The following ATP6V1H variants were observed in gnomAD, a reference collection of about 807,000 sequenced individuals.
ATP6V1H encodes the protein V-type proton ATPase subunit H.
Under a neutral mutation model 71.7 loss-of-function variants are expected in ATP6V1H, and 39 were observed. The ratio of observed to expected loss-of-function variants is 0.54; its 90% CI spans 0.42 to 0.71. The LOEUF (loss-of-function observed/expected upper bound fraction) is 0.71. Ranked by LOEUF, ATP6V1H falls within the 30% of genes least tolerant of loss-of-function variation. The pLI, the probability that ATP6V1H is intolerant of heterozygous loss-of-function variation, is 0.00. For missense variants in ATP6V1H, 509 were observed against 594.9 expected, an observed-to-expected ratio of 0.86 and a Z score of 1.50; for synonymous variants, 192 against 199.3, an observed-to-expected ratio of 0.96 and a Z score of 0.31.
chr8:53,723,612 C>T (rs1250323097), intron 13 of ATP6V1H, among the ~76,000 whole-genome samples: 2 of 152,186 alleles, frequency 1.3e-5, no homozygotes, highest in African/African-American at 2.4e-5. Flanking sequence ...TAACAGACTC[C>T]AGCTGTCTGG....
chr8:53,720,166 C>A (rs1585713536), intron 13 of ATP6V1H, among the ~76,000 whole-genome samples: 1 of 152,266 alleles, frequency 6.6e-6, no homozygotes, highest in Admixed American at 6.5e-5. Context: ...GACATTAAAT[C>A]TTTGCTTCTG....
intron 12 of ATP6V1H, among the ~76,000 whole-genome samples, chr8:53,746,242 A>G (rs1251886740): frequency 5.3e-5 from 8 of 151,916 alleles, no homozygotes; most frequent in Non-Finnish European, 1.0e-4. Context: ...AAAGCTTTTA[A>G]TGATTGATAT....
chr8:53,821,543 C>T lies in ATP6V1H; in HGVS notation c.307-4013G>A, dbSNP rs1185721723. 6.6e-5 allele frequency among the ~76,000 whole-genome samples: 10 copies of T among 151,476 alleles called. No individual in the cohort carries two copies. The East Asian group carries it at 9.8e-4, about 15-fold the overall frequency. On this transcript the variant is annotated intron_variant, in intron 4 of 13. Transcript: ENST00000359530. ...TAAAAATACGAAAATTAGCTGGGCA[C>T]GGCGGCACACGCCTGTAATACCAGC...
At chr8:53,792,780 G>A (rs1809608575) in intron 9 of ATP6V1H, among the ~76,000 whole-genome samples, 1 of 152,134 alleles carries the variant, frequency 6.6e-6, no homozygotes, top group South Asian at 2.1e-4. Flanking sequence ...ATAAGGCAAT[G>A]CATAAAAATT....
chr8:53,808,814 AC>A (rs143913066), intron 7 of ATP6V1H, among the ~76,000 whole-genome samples: 4 of 151,992 alleles, frequency 2.6e-5, no homozygotes, highest in African/African-American at 7.3e-5. Flanking sequence ...AAAAAAAAAA[AC>A]AAAATGTTTG....
chr8:53,818,120 TA>T (rs1810512662), intron 4 of ATP6V1H, among the ~76,000 whole-genome samples: 1 of 152,236 alleles, frequency 6.6e-6, no homozygotes, highest in Non-Finnish European at 1.5e-5. Context: ...ACCTCTCATC[TA>T]AATTTTCTCT....
chr8:53,731,839 G>C (rs980332416), intron 13 of ATP6V1H, among the ~76,000 whole-genome samples: 1 of 152,268 alleles, frequency 6.6e-6, no homozygotes, highest in Non-Finnish European at 1.5e-5. Flanking sequence ...CCCTGGGGGG[G>C]ACTCCAGCCA....
intron 8 of ATP6V1H, 70 bp from the exon 9 acceptor site, chr8:53,795,909 C>A: frequency 7.4e-7 from 1 of 1,359,356 alleles, no homozygotes; most frequent in South Asian, 1.4e-5. Context: ...CAATTATTCT[C>A]TTTTTGCACT....
chr8:53,818,066 G>C (rs1453924128), intron 4 of ATP6V1H, among the ~76,000 whole-genome samples: 1 of 152,134 alleles, frequency 6.6e-6, no homozygotes, highest in Admixed American at 6.5e-5. Flanking sequence ...GTGGACATAG[G>C]ATCTGAGTAA....
chr8:53,814,236 G>A (rs1262549682), intron 6 of ATP6V1H, among the ~76,000 whole-genome samples: 1 of 152,090 alleles, frequency 6.6e-6, no homozygotes, highest in Non-Finnish European at 1.5e-5. Flanking sequence ...CAATCCTGGG[G>A]CAGCCAAGGG....
intron 13 of ATP6V1H, among the ~76,000 whole-genome samples, chr8:53,717,344 G>A (rs1806459328): frequency 6.6e-6 from 1 of 152,216 alleles, no homozygotes; most frequent in Admixed American, 6.5e-5. Context: ...GTGGCCCAGA[G>A]CATGTGAAGT....
chr8:53,820,992 A>G (rs1810633692), intron 4 of ATP6V1H, among the ~76,000 whole-genome samples: 1 of 151,456 alleles, frequency 6.6e-6, no homozygotes, highest in Non-Finnish European at 1.5e-5. Flanking sequence ...AAAAAAAAAA[A>G]AAAGAAAAAG....
intron 13 of ATP6V1H, among the ~76,000 whole-genome samples, chr8:53,734,806 G>T (rs1807140303): frequency 1.3e-5 from 2 of 151,988 alleles, no homozygotes; most frequent in African/African-American, 4.8e-5. Flanking sequence ...TCTCCCTCAA[G>T]CACCTGACCT....
chr8:53,723,622 G>C (rs1806701701), intron 13 of ATP6V1H, among the ~76,000 whole-genome samples: 1 of 152,156 alleles, frequency 6.6e-6, no homozygotes, highest in East Asian at 1.9e-4. Flanking sequence ...CAGCTGTCTG[G>C]TAATTCCCCT....
chr8:53,772,598 T>C (rs1808705070), intron 9 of ATP6V1H, among the ~76,000 whole-genome samples: 2 of 152,074 alleles, frequency 1.3e-5, no homozygotes, highest in African/African-American at 2.4e-5. Context: ...TTTTCCCCCA[T>C]CTCTAATCAA....
chr8:53,820,962 CA>C (rs1810631796), intron 4 of ATP6V1H, among the ~76,000 whole-genome samples: 1 of 114,716 alleles, frequency 8.7e-6, no homozygotes. Flanking sequence ...GCCTGGATGA[CA>C]AGAGCAAAAC....
At chr8:53,724,672 G>T (rs930469220) in intron 13 of ATP6V1H, among the ~76,000 whole-genome samples, 29 of 150,300 alleles carry the variant, frequency 1.9e-4, no homozygotes, top group Middle Eastern at 3.4e-3. Context: ...AAGAAGCCTG[G>T]ATCTCTGCGC....
At chr8:53,735,897 C>T (rs1385979944) in intron 13 of ATP6V1H, among the ~76,000 whole-genome samples, 5 of 152,148 alleles carry the variant, frequency 3.3e-5, no homozygotes, top group South Asian at 2.1e-4. Context: ...CGGCTAACAC[C>T]GGCATCTCAG....
intron 10 of ATP6V1H, among the ~76,000 whole-genome samples, chr8:53,770,126 G>A (rs1808604030): frequency 6.6e-6 from 1 of 151,992 alleles, no homozygotes; most frequent in Admixed American, 6.6e-5. Context: ...AATATGTTAT[G>A]TAAAAGCATA....
Sources: gnomAD v4.1 joint callset for allele counts (sites outside exome capture counted in the v4.1 genomes callset) on GRCh38, gnomAD v4.1.1 for gene constraint, MANE v1.5 for transcripts, NCBI Gene and HGNC (gene_info 2026-07-23, HGNC 2026-07-21) for gene names.